Variants in KIAA1328 observed in about 807,000 individuals in gnomAD.
The protein encoded by KIAA1328 is protein hinderin.
In KIAA1328, 52 loss-of-function variants were observed where a neutral mutation model predicts 68.1. That is an observed-to-expected ratio of 0.76 (90% CI 0.61 to 0.96). The LOEUF (loss-of-function observed/expected upper bound fraction) is 0.96, where lower values mean the gene tolerates loss of function less well. KIAA1328 is among the 40% of genes least tolerant of loss of function. The pLI, the probability that KIAA1328 is intolerant of heterozygous loss-of-function variation, is 0.00. For synonymous variants in KIAA1328, 232 were observed against 239.4 expected, an observed-to-expected ratio of 0.97 and a Z score of 0.28; for missense variants, 641 against 677.6, an observed-to-expected ratio of 0.95 and a Z score of 0.60.
At chr18:37,016,345 C>T (rs572501289) in intron 6 of KIAA1328, among the ~76,000 whole-genome samples, 19 of 152,156 alleles carry the variant, frequency 1.2e-4, no homozygotes, top group Admixed American at 7.9e-4. Context: ...AGGAACAAAG[C>T]CTACTTGATC....
downstream of KIAA1328, chr18:37,229,597 C>A (rs1178387241): frequency 1.1e-5 from 14 of 1,274,770 alleles, no homozygotes; most frequent in Middle Eastern, 2.4e-4. Context: ...CAAGTCCATC[C>A]AGGCGCGGTG....
intron 6 of KIAA1328, among the ~76,000 whole-genome samples, chr18:37,050,275 A>AT (rs1260528594): frequency 4.6e-5 from 7 of 152,214 alleles, no homozygotes; most frequent in African/African-American, 1.2e-4. Context: ...CTTATAGATC[A>AT]TTTTTTTATG....
intron 6 of KIAA1328, among the ~76,000 whole-genome samples, chr18:37,023,432 C>T (rs1352820653): frequency 1.3e-5 from 2 of 151,932 alleles, no homozygotes; most frequent in Non-Finnish European, 2.9e-5. Flanking sequence ...TACCCAGGCT[C>T]CTTTTCTGTA....
intron 6 of KIAA1328, among the ~76,000 whole-genome samples, chr18:36,973,035 T>C (rs1195875164): frequency 5.9e-5 from 9 of 152,182 alleles, no homozygotes; most frequent in Admixed American, 5.9e-4. Flanking sequence ...TTTTATTGGA[T>C]TTTAAAAATA....
At chr18:36,925,787 C>T (rs912832304) in intron 5 of KIAA1328, among the ~76,000 whole-genome samples, 2 of 152,034 alleles carry the variant, frequency 1.3e-5, no homozygotes, top group African/African-American at 4.8e-5. Context: ...GATCCTTCCA[C>T]CTCAGCCTCC....
intron 5 of KIAA1328, among the ~76,000 whole-genome samples, chr18:36,897,396 A>G (rs1431697349): frequency 1.3e-5 from 2 of 152,086 alleles, no homozygotes; most frequent in East Asian, 3.8e-4. Flanking sequence ...TAGTTGTTAT[A>G]ATGTGTGTGT....
chr18:37,061,552 C>T (rs891119296), intron 6 of KIAA1328, among the ~76,000 whole-genome samples: 2 of 152,084 alleles, frequency 1.3e-5, no homozygotes, highest in East Asian at 3.9e-4. Context: ...TCACATTAAA[C>T]CCGTATGTCA....
At chr18:36,859,980 C>T (rs1035587748) in intron 4 of KIAA1328, among the ~76,000 whole-genome samples, 3 of 149,486 alleles carry the variant, frequency 2.0e-5, no homozygotes, top group African/African-American at 7.4e-5. Context: ...TTTCTTATTC[C>T]ACATATTTTG....
At chr18:37,085,253 GGTGGGCCTGAT>G (rs1263779331) in intron 7 of KIAA1328, among the ~76,000 whole-genome samples, 1 of 152,116 alleles carries the variant, frequency 6.6e-6, no homozygotes, top group Non-Finnish European at 1.5e-5. Context: ...CTTTTACTGA[GGTGGGCCTGAT>G]GTTAGCGTCT....
chr18:37,224,087 A>T lies in KIAA1328; in HGVS notation c.*1860A>T. The T allele has an allele frequency of 1.0e-6, 1 of 985,280 alleles. No homozygotes were observed. The highest frequency in any genetic ancestry group is 1.2e-6 in the Non-Finnish European group (1 of 829,910). The allele number at this position is 985,280 out of a possible 1,614,324, so 61.0% of individuals were successfully genotyped here. A position where few individuals can be genotyped will look rare whatever the true frequency, so the allele number is the denominator to read the frequency against. Reference sequence around the variant, plus strand: ...GATGGCAAACTAAGAGCCCTCAGCCATTTTTTCAGTTAAAGTTAGGTTGCC... The same window carrying T: ...GATGGCAAACTAAGAGCCCTCAGCCTTTTTTTCAGTTAAAGTTAGGTTGCC... On this transcript the variant is annotated 3_prime_UTR_variant, in exon 10 of 10. Coordinates refer to ENST00000280020, the MANE Select transcript of KIAA1328 (RefSeq NM_020776.3).
intron 7 of KIAA1328, among the ~76,000 whole-genome samples, chr18:37,144,982 C>G (rs1335511476): frequency 1.3e-5 from 2 of 151,948 alleles, no homozygotes; most frequent in African/African-American, 4.8e-5. Flanking sequence ...TGCCTGTAAT[C>G]TCAACATTTT....
At chr18:37,084,476 G>GTTTTTTTT (rs1174581418) in intron 7 of KIAA1328, 80 of 130,180 alleles carry the variant, frequency 6.1e-4, no homozygotes, top group Non-Finnish European at 8.1e-4. Flanking sequence ...TTTGTTTTTT[G>GTTTTTTTT]TTTTTTTTTT....
intron 3 of KIAA1328, among the ~76,000 whole-genome samples, chr18:36,842,776 T>C (rs1429285187): frequency 6.6e-6 from 1 of 152,028 alleles, no homozygotes; most frequent in Non-Finnish European, 1.5e-5. Flanking sequence ...ACTTCCTCCA[T>C]TGCCAAATCC....
chr18:36,888,286 T>C (rs973522699), intron 5 of KIAA1328, among the ~76,000 whole-genome samples: 19 of 152,270 alleles, frequency 1.2e-4, no homozygotes, highest in Admixed American at 7.8e-4. Flanking sequence ...TGCAGAGTAA[T>C]TGCAGCAAAT....
chr18:36,972,029 A>C (rs978067356), intron 6 of KIAA1328, among the ~76,000 whole-genome samples: 2 of 152,228 alleles, frequency 1.3e-5, no homozygotes. Flanking sequence ...AAGAAAATAC[A>C]TGCAGTATTC....
intron 7 of KIAA1328, among the ~76,000 whole-genome samples, chr18:37,134,009 C>A (rs2058585751): frequency 6.6e-6 from 1 of 151,700 alleles, no homozygotes; most frequent in Non-Finnish European, 1.5e-5. Context: ...TCTCAGGACC[C>A]CTTTACATTC....
At chr18:36,889,024 C>T (rs1450679793) in intron 5 of KIAA1328, among the ~76,000 whole-genome samples, 1 of 152,102 alleles carries the variant, frequency 6.6e-6, no homozygotes, top group Non-Finnish European at 1.5e-5. Flanking sequence ...TGTACAAACA[C>T]AGACTAGTGC....
rs181173680 is a variant in KIAA1328, at chr18:36,923,265, C to G, written c.449-36043C>G. Among the ~76,000 whole-genome samples, 219 of 151,956 alleles carry G rather than the reference C, an allele frequency of 1.4e-3. 3 individuals are homozygous for G. Among genetic ancestry groups the G allele is most frequent in the Admixed American group, 0.013 (201 of 15,244 alleles). ...AGCTTTCACCTTAAACTAGTAAAAG[C>G]AAAACAAATGAAACCAGAAGTTTAC... On this transcript the variant is annotated intron_variant, in intron 5 of 9. Transcript: ENST00000280020.
chr18:36,966,308 A>G (rs1302112783), intron 6 of KIAA1328, among the ~76,000 whole-genome samples: 1 of 152,212 alleles, frequency 6.6e-6, no homozygotes, highest in Non-Finnish European at 1.5e-5. Flanking sequence ...CAGTAACTCA[A>G]ATCCACACAA....
Sources: gnomAD v4.1 joint callset for allele counts (sites outside exome capture counted in the v4.1 genomes callset) on GRCh38, gnomAD v4.1.1 for gene constraint, MANE v1.5 for transcripts, NCBI Gene and HGNC (gene_info 2026-07-23, HGNC 2026-07-21) for gene names.